Variants in ECT2L observed in about 807,000 individuals in gnomAD.
ECT2L encodes epithelial cell-transforming sequence 2 oncogene-like.
In ECT2L, 126 loss-of-function variants were observed where a neutral mutation model predicts 122.8. The observed-to-expected ratio is 1.03, with a 90% CI of 0.89 to 1.19. ECT2L has a LOEUF of 1.19. Ranked by LOEUF, ECT2L falls within the 50% of genes most tolerant of loss-of-function variation. The pLI is 0.00. For synonymous variants in ECT2L, 385 were observed against 381.8 expected (o/e 1.01, Z -0.10); for missense variants, 1,012 against 1,064.1 (o/e 0.95, Z 0.68).
chr6:138,886,779 A>T lies in ECT2L; in HGVS notation c.2260-78A>T, dbSNP rs1778836307. On this transcript the variant is annotated intron_variant, in intron 18 of 21. Transcript: ENST00000541398. ...TACCAAGCCCTGTATCAAGCGCCAT[A>T]AAATATTTTAATCTATTTCTTTTAT... 6.7e-6 allele frequency: 7 copies of T among 1,052,344 alleles called. No homozygotes were observed. The South Asian group carries it at 9.4e-5, about 14-fold the overall frequency. The allele number at this position is 1,052,344 out of a possible 1,614,324, so 65.2% of individuals were successfully genotyped here.
intron 4 of ECT2L, among the ~76,000 whole-genome samples, chr6:138,827,889 T>C (rs755062666): frequency 1.3e-5 from 2 of 152,152 alleles, no homozygotes; most frequent in Non-Finnish European, 2.9e-5. Flanking sequence ...ACTCTAGATA[T>C]CATGTCATTT....
intron 20 of ECT2L, among the ~76,000 whole-genome samples, chr6:138,890,430 G>A (rs973664919): frequency 6.9e-6 from 1 of 144,842 alleles, no homozygotes; most frequent in Non-Finnish European, 1.5e-5. Flanking sequence ...GATCTTAAAT[G>A]AAAATCAAAT....
chr6:138,849,813 C>A (rs528964665), intron 9 of ECT2L, among the ~76,000 whole-genome samples: 23 of 152,248 alleles, frequency 1.5e-4, no homozygotes, highest in African/African-American at 5.5e-4. Flanking sequence ...CTTAGCCTCT[C>A]AAAGGGCTGG....
intron 4 of ECT2L, among the ~76,000 whole-genome samples, chr6:138,818,741 C>G (rs139066743): frequency 3.9e-4 from 59 of 152,068 alleles, no homozygotes; most frequent in African/African-American, 1.3e-3. Flanking sequence ...GAAAATTACT[C>G]GAGGAAACAT....
chr6:138,811,772 C>T (rs578135116), intron 1 of ECT2L, among the ~76,000 whole-genome samples: 237 of 152,216 alleles, frequency 1.6e-3, no homozygotes, highest in African/African-American at 5.6e-3. Flanking sequence ...CGCTGCCTCC[C>T]GGTTCAAGCG....
At chr6:138,814,401 G>A (rs1432938879) in intron 3 of ECT2L, 90 bp from the exon 4 acceptor site, 6 of 713,106 alleles carry the variant, frequency 8.4e-6, no homozygotes, top group African/African-American at 3.5e-5. Flanking sequence ...TATTAGCTGT[G>A]AGGTTGCTGG....
At chr6:138,856,372 A>G (rs1777610603) in intron 10 of ECT2L, among the ~76,000 whole-genome samples, 1 of 152,002 alleles carries the variant, frequency 6.6e-6, no homozygotes, top group Non-Finnish European at 1.5e-5. Flanking sequence ...GTGCCACCAC[A>G]CCCGGCTAAT....
Position 138,854,500 on chromosome 6 carries a change from G to A in ECT2L, c.1198+346G>A, listed in dbSNP as rs939769836. On this transcript the variant is annotated intron_variant, in intron 10 of 21. Coordinates refer to ENST00000541398, the MANE Select transcript of ECT2L (RefSeq NM_001077706.3). ...TCAATCCGAGAAAACACCCCCTGCC[G>A]CCTTCTGAACCTGGAGTAGGCATGA... Among the ~76,000 whole-genome samples, 22 of 152,058 alleles carry A rather than the reference G, an allele frequency of 1.4e-4. No homozygotes were observed. The East Asian group carries it at 2.9e-3, about 20-fold the overall frequency.
At chr6:138,808,703 C>T (rs2128371137) in intron 1 of ECT2L, among the ~76,000 whole-genome samples, 1 of 150,294 alleles carries the variant, frequency 6.7e-6, no homozygotes, top group South Asian at 2.1e-4. Context: ...TACATAATGA[C>T]AATTTAATTT....
intron 9 of ECT2L, among the ~76,000 whole-genome samples, chr6:138,851,138 A>G (rs531198573): frequency 1.4e-4 from 21 of 151,630 alleles, no homozygotes; most frequent in Non-Finnish European, 2.8e-4. Context: ...TACACATCCC[A>G]CATCCTTGCC....
chr6:138,902,477 G>A, intron 21 of ECT2L, 23 bp from the exon 22 acceptor site: 1 of 1,602,414 alleles, frequency 6.2e-7, no homozygotes, highest in East Asian at 2.2e-5. Context: ...AGATTAATTA[G>A]TATACCTCAA....
At chr6:138,896,765 A>G (rs944675734) in intron 20 of ECT2L, among the ~76,000 whole-genome samples, 3 of 152,128 alleles carry the variant, frequency 2.0e-5, no homozygotes, top group Non-Finnish European at 4.4e-5. Flanking sequence ...CTCCTGCCTC[A>G]GCCTCCCAAG....
chr6:138,813,328 A>G lies in ECT2L; in HGVS notation c.54A>G (p.Ser18=), dbSNP rs2128373321. 1.2e-6 allele frequency: 2 copies of G among 1,611,072 alleles called. No homozygotes were observed. Residue 18 remains serine (S), a synonymous_variant, in exon 3 of 22, where the codon TCA becomes TCG. Coordinates refer to ENST00000541398, the MANE Select transcript of ECT2L (RefSeq NM_001077706.3). ...FSAWTPFSNK[S]LNRQLFQERV... ...CCTGGACACCTTTTAGCAACAAGTC[A>G]TTAAATAGACAGGTAAGTTACATAC...
Position 138,885,842 on chromosome 6 carries a change from A to AT in ECT2L, c.2259+13dup, listed in dbSNP as rs1778804503. ...GTTATATAGATCAGGTTGGTTGCTGATAAGAATCTGTGTCCTTTAAACATG... is the reference window on the plus strand; with the variant it reads ...GTTATATAGATCAGGTTGGTTGCTGATTAAGAATCTGTGTCCTTTAAACATG... On this transcript the variant is annotated intron_variant, in intron 18 of 21. Coordinates refer to ENST00000541398, the MANE Select transcript of ECT2L (RefSeq NM_001077706.3). 1 of 1,609,994 alleles carries AT rather than the reference A, an allele frequency of 6.2e-7. No individual in the cohort carries two copies. Among genetic ancestry groups the AT allele is most frequent in the South Asian group, 1.1e-5 (1 of 90,570 alleles).
chr6:138,853,893 A>G, intron 9 of ECT2L, 133 bp from the exon 10 acceptor site: 1 of 946,178 alleles, frequency 1.1e-6, no homozygotes, highest in South Asian at 1.6e-5. Context: ...GAGGAAGCAG[A>G]GATGCCTCAG....
chr6:138,804,776 A>T (rs1775659066), intron 1 of ECT2L, among the ~76,000 whole-genome samples: 1 of 152,188 alleles, frequency 6.6e-6, no homozygotes, highest in South Asian at 2.1e-4. Flanking sequence ...AATTTTCTTC[A>T]TAAAGTTGGC....
At chr6:138,890,119 T>A (rs1297711403) in intron 20 of ECT2L, among the ~76,000 whole-genome samples, 3 of 152,188 alleles carry the variant, frequency 2.0e-5, no homozygotes, top group Non-Finnish European at 2.9e-5. Flanking sequence ...CATCAAACTA[T>A]GAATAAAATA....
intron 8 of ECT2L, among the ~76,000 whole-genome samples, chr6:138,847,354 A>ATTTTTTTTTTTTTT (rs1562471985): frequency 7.2e-5 from 8 of 111,054 alleles, no homozygotes; most frequent in African/African-American, 3.2e-4. Context: ...AAAGGCCCAA[A>ATTTTTTTTTTTTTT]CTTTTTTTTT....
At chr6:138,895,000 C>A (rs1244978716) in intron 20 of ECT2L, among the ~76,000 whole-genome samples, 1 of 151,912 alleles carries the variant, frequency 6.6e-6, no homozygotes, top group Non-Finnish European at 1.5e-5. Flanking sequence ...GGCTCATTCC[C>A]GTAATCCCAG....
Sources: gnomAD v4.1 joint callset for allele counts (sites outside exome capture counted in the v4.1 genomes callset) on GRCh38, gnomAD v4.1.1 for gene constraint, MANE v1.5 for transcripts, NCBI Gene and HGNC (gene_info 2026-07-23, HGNC 2026-07-21) for gene names.